Variants in ATP5F1A observed in about 807,000 individuals in gnomAD.
ATP5F1A encodes the protein ATP synthase F1 subunit alpha.
ATP5F1A carries 24 observed loss-of-function variants against 57.4 expected under a neutral mutation model. The observed-to-expected ratio is 0.42, with a 90% confidence interval of 0.30 to 0.59. The LOEUF (loss-of-function observed/expected upper bound fraction) is 0.59, where lower values mean the gene tolerates loss of function less well. Ranked by LOEUF, ATP5F1A falls within the 20% of genes least tolerant of loss-of-function variation. ATP5F1A has a pLI of 0.19. For missense variants in ATP5F1A, 494 were observed against 707.9 expected (o/e 0.70, Z 3.43); for synonymous variants, 251 against 255.5 (o/e 0.98, Z 0.17).
rs1331196226 is a variant in ATP5F1A, at chr18:46,089,941, T to A, written c.365A>T (p.Asp122Val). The A allele has an allele frequency of 1.2e-6, 2 of 1,613,020 alleles. No homozygotes were observed. Among genetic ancestry groups the A allele is most frequent in the Non-Finnish European group, 1.7e-6 (2 of 1,179,714 alleles). The part of the protein sequence containing the change: ...DNVGVVVFGN[D>V]KLIKEGDIVK... Reference sequence around the variant, plus strand: ...TATATCTCCTTCCTTAATTAGTTTATCATTTCCAAACACGACAACACCAAC... The same window carrying A: ...TATATCTCCTTCCTTAATTAGTTTAACATTTCCAAACACGACAACACCAAC... The change falls in exon 4 of 12, where the codon GAT (aspartate) becomes GTT (valine). Residue 122 changes from aspartate (D) to valine (V), a missense_variant. Asp to Val is a radical substitution (Grantham distance 152). Transcript: ENST00000398752.
intron 6 of ATP5F1A, 128 bp downstream of exon 6, chr18:46,087,981 G>C: frequency 1.0e-6 from 1 of 986,920 alleles, no homozygotes; most frequent in Non-Finnish European, 1.5e-6. Context: ...CTTACCTACT[G>C]ATTTGTATTA....
chr18:46,096,930 C>T (rs1469773200), intron 1 of ATP5F1A, among the ~76,000 whole-genome samples: 1 of 128,006 alleles, frequency 7.8e-6, no homozygotes, highest in African/African-American at 3.0e-5. Context: ...TTGCAGTGGG[C>T]GGAGATCACG....
rs1225484486 is a variant in ATP5F1A, at chr18:46,087,144, C to T, written c.1040G>A (p.Arg347Gln). Reference sequence around the variant, plus strand: ...CATTTTGGCTGCTCTCTCCAGCAACCGGGAGTGTAGGTAGAACACATCACC... The same window carrying T: ...CATTTTGGCTGCTCTCTCCAGCAACTGGGAGTGTAGGTAGAACACATCACC... ...YPGDVFYLHS[R>Q]LLERAAKMND... The change falls in exon 8 of 12, where the codon CGG (arginine) becomes CAG (glutamine). Residue 347 changes from arginine (R) to glutamine (Q), a missense_variant. Around this residue, in one of 6 missense-constraint regions of ATP5F1A, gnomAD observed 15 missense variants for 49.5 expected, o/e 0.30. Coordinates refer to ENST00000398752, the MANE Select transcript of ATP5F1A (RefSeq NM_004046.6). 1.2e-6 allele frequency: 2 copies of T among 1,614,078 alleles called. No homozygotes were observed. The highest frequency in any genetic ancestry group is 1.7e-6 in the Non-Finnish European group (2 of 1,180,042).
rs773771619 is a variant in ATP5F1A, at chr18:46,087,219, C to T, written c.965G>A (p.Arg322His). The T allele has an allele frequency of 1.2e-6, 2 of 1,614,156 alleles. No individual in the cohort carries two copies. The highest frequency in any genetic ancestry group is 1.7e-6 in the Non-Finnish European group (2 of 1,180,034). Residue 322 changes from arginine to histidine, a missense_variant, in exon 8 of 12, where the codon CGT becomes CAT. This residue lies in a region of ATP5F1A where 15 missense variants were observed against 49.5 expected (regional missense o/e 0.30). Transcript: ENST00000398752. ...TCGGCGGAGCAACAGAGACATCTGA[C>T]GGTAAGCAACAGCCTATGGTACAGA... Reference protein sequence around the residue: ...DDLSKQAVAYRQMSLLLRRPP... With the variant: ...DDLSKQAVAYHQMSLLLRRPP...
At chr18:46,100,911 A>C (rs1179446791), upstream of ATP5F1A, among the ~76,000 whole-genome samples, 1 of 152,072 alleles carries the variant, frequency 6.6e-6, no homozygotes, top group African/African-American at 2.4e-5. Context: ...CGTCTCTGCT[A>C]AAAATACAAA....
At chr18:46,094,164 T>TACACACACACACACACAC (rs71938962) in intron 2 of ATP5F1A, among the ~76,000 whole-genome samples, 1 of 149,040 alleles carries the variant, frequency 6.7e-6, no homozygotes, top group African/African-American at 2.5e-5. Flanking sequence ...TGTGTACACA[T>TACACACACACACACACAC]ACACACACAC....
At chr18:46,102,372 G>A (rs932391883), upstream of ATP5F1A, among the ~76,000 whole-genome samples, 1 of 151,920 alleles carries the variant, frequency 6.6e-6, no homozygotes, top group Middle Eastern at 3.4e-3. Context: ...CGCCCAGGCT[G>A]GAGTGCAGTG....
chr18:46,091,368 T>C (rs571078861), intron 3 of ATP5F1A, among the ~76,000 whole-genome samples: 1 of 152,360 alleles, frequency 6.6e-6, no homozygotes, highest in Admixed American at 6.5e-5. Flanking sequence ...AATGCTTTGC[T>C]TTTGTATAAA....
intron 1 of ATP5F1A, 97 bp from the exon 2 acceptor site, chr18:46,095,228 G>A (rs1047256299): frequency 1.4e-5 from 16 of 1,114,976 alleles, no homozygotes; most frequent in Non-Finnish European, 1.9e-5. Context: ...TCAAAGTACT[G>A]GTGAAAATGC....
chr18:46,091,949 G>C (rs1910585654), intron 2 of ATP5F1A, 98 bp from the exon 3 acceptor site: 1 of 1,188,696 alleles, frequency 8.4e-7, no homozygotes. Flanking sequence ...GAGGCAGGCA[G>C]ATCACCTAAG....
chr18:46,090,579 C>T (rs1262303872), intron 3 of ATP5F1A, among the ~76,000 whole-genome samples: 1 of 152,130 alleles, frequency 6.6e-6, no homozygotes, highest in Non-Finnish European at 1.5e-5. Context: ...TAAATCATGT[C>T]TGAAGCAAAA....
upstream of ATP5F1A, among the ~76,000 whole-genome samples, chr18:46,102,999 T>G (rs1239100448): frequency 6.6e-6 from 1 of 151,842 alleles, no homozygotes; most frequent in Non-Finnish European, 1.5e-5. Flanking sequence ...GTAAGTTTCC[T>G]TTGAAAAGAA....
chr18:46,091,802 A>C lies in ATP5F1A; in HGVS notation c.189T>G (p.Asp63Glu). Residue 63 changes from aspartate to glutamate, a missense_variant, in exon 3 of 12, where the codon GAT becomes GAG. Around this residue, in one of 6 missense-constraint regions of ATP5F1A, gnomAD observed 142 missense variants for 137.5 expected, o/e 1.03. Coordinates refer to ENST00000398752, the MANE Select transcript of ATP5F1A (RefSeq NM_004046.6). ...CAGTTTCTTCAAGATCAACAGAGGTATCAGCTCCAAGAATACGCTCTTCAA... is the reference window on the plus strand; with the variant it reads ...CAGTTTCTTCAAGATCAACAGAGGTCTCAGCTCCAAGAATACGCTCTTCAA... Reference protein sequence around the residue: ...SILEERILGADTSVDLEETGR... With the variant: ...SILEERILGAETSVDLEETGR... 1 of 1,614,000 alleles carries C rather than the reference A, an allele frequency of 6.2e-7. No homozygotes were observed. Among genetic ancestry groups the C allele is most frequent in the Non-Finnish European group, 8.5e-7 (1 of 1,179,992 alleles).
chr18:46,101,317 C>A (rs537336410), upstream of ATP5F1A, among the ~76,000 whole-genome samples: 2 of 152,048 alleles, frequency 1.3e-5, no homozygotes, highest in East Asian at 3.9e-4. Flanking sequence ...GTAATCCTAG[C>A]ACATTGGGAG....
chr18:46,095,159 G>A, intron 1 of ATP5F1A, 28 bp from the exon 2 acceptor site: 2 of 1,604,416 alleles, frequency 1.2e-6, no homozygotes, highest in Non-Finnish European at 1.7e-6. Flanking sequence ...TTAAAAATTT[G>A]ATTTTTAACA....
intron 8 of ATP5F1A, chr18:46,086,780 T>C: frequency 1.6e-6 from 1 of 609,572 alleles, no homozygotes; most frequent in Non-Finnish European, 2.9e-6. Flanking sequence ...AGAACAGTAG[T>C]GGTTAAAAAT....
At chr18:46,100,302 G>T (rs1409447744), upstream of ATP5F1A, among the ~76,000 whole-genome samples, 5 of 144,928 alleles carry the variant, frequency 3.4e-5, no homozygotes, top group Non-Finnish European at 7.6e-5. Context: ...AAAAGAAAAA[G>T]GCTGTCCAAG....
upstream of ATP5F1A, among the ~76,000 whole-genome samples, chr18:46,100,281 AAAAG>A (rs923946730): frequency 7.3e-5 from 11 of 151,284 alleles, no homozygotes; most frequent in African/African-American, 2.7e-4. Flanking sequence ...AAGAAAGAAA[AAAAG>A]AAAAGAAAAA....
chr18:46,098,012 C>T, intron 1 of ATP5F1A, 160 bp downstream of exon 1: 1 of 1,415,350 alleles, frequency 7.1e-7, no homozygotes, highest in Non-Finnish European at 9.2e-7. Context: ...AGCAAAAGGG[C>T]ACCTGTGTCG....
Sources: allele counts gnomAD v4.1 joint callset (sites outside exome capture counted in the v4.1 genomes callset), GRCh38; gene constraint gnomAD v4.1.1; regional missense constraint gnomAD v4.1.1; transcripts MANE v1.5; gene names NCBI Gene and HGNC (gene_info 2026-07-23, HGNC 2026-07-21).